Variants in STAB2 observed in about 807,000 individuals in gnomAD.
STAB2 encodes stabilin 2, also known as stabilin-2.
In STAB2, 288 loss-of-function variants were observed where a neutral mutation model predicts 338.1. The observed-to-expected ratio is 0.85, with a 90% CI of 0.77 to 0.94. The LOEUF is 0.94. Among genes scored for constraint, STAB2 ranks in the 40% least tolerant of loss-of-function variants. STAB2 has a pLI of 0.00. For missense variants in STAB2, 3,141 were observed against 3,210.1 expected, an observed-to-expected ratio of 0.98 and a Z score of 0.52; for synonymous variants, 1,202 against 1,193.3, an observed-to-expected ratio of 1.01 and a Z score of -0.15.
At chr12:103,717,724 A>G (rs1163416237) in intron 43 of STAB2, 46 bp from the exon 44 acceptor site, 1 of 1,592,178 alleles carries the variant, frequency 6.3e-7, no homozygotes, top group Non-Finnish European at 8.6e-7. Context: ...CGGCCAGTAC[A>G]GAACCCACCT....
At position 103,725,080 on chromosome 12, in the gene STAB2, G is replaced by A. The variant is rs144900279; in HGVS notation, c.4789G>A (p.Gly1597Ser). 254 of 1,612,958 alleles carry A rather than the reference G, an allele frequency of 1.6e-4. No homozygotes were observed. The Middle Eastern group carries it at 3.3e-3, about 21-fold the overall frequency. ...NYIGDGFTCR[G>S]SIYQELPKNP... Reference sequence around the variant, plus strand: ...CATTGGAGATGGATTTACCTGCCGCGGCAGCATTTATCAGGTAACGCGAGA... The same window carrying A: ...CATTGGAGATGGATTTACCTGCCGCAGCAGCATTTATCAGGTAACGCGAGA... The change falls in exon 45 of 69, where the codon GGC becomes AGC. Residue 1597 changes from glycine (G) to serine (S), a missense_variant. Transcript: ENST00000388887.
rs370782910 is a variant in STAB2, at chr12:103,655,524, T to C, written c.1677T>C (p.Asn559=). The C allele has an allele frequency of 1.9e-6, 3 of 1,613,922 alleles. No individual in the cohort carries two copies. The African/African-American group carries it at 4.0e-5, about 22-fold the overall frequency. The part of the protein sequence containing the change: ...VGGPYTIFVP[N]NEALNNMKDG... ...GACCATACACCATTTTTGTTCCAAA[T>C]AATGAAGCATTGAATAACATGAAGG... Residue 559 remains asparagine (N), a synonymous_variant, in exon 15 of 69, where the codon AAT becomes AAC. Coordinates refer to ENST00000388887, the MANE Select transcript of STAB2 (RefSeq NM_017564.10).
At position 103,690,284 on chromosome 12, in the gene STAB2, C is replaced by T; in HGVS notation, c.3183-140C>T. 3 of 783,264 alleles carry T rather than the reference C, an allele frequency of 3.8e-6. No homozygotes were observed. The South Asian group carries it at 5.7e-5, about 15-fold the overall frequency. 48.5% of individuals were successfully genotyped at this position (783,264 alleles called of 1,614,324 possible). ...GCACAGCGTGGTTGAGTAACTAACTCTAGCCAAGGCTGGTAACTGCAGGGG... is the reference window on the plus strand; with the variant it reads ...GCACAGCGTGGTTGAGTAACTAACTTTAGCCAAGGCTGGTAACTGCAGGGG... On this transcript the variant is annotated intron_variant, in intron 29 of 68. Coordinates refer to ENST00000388887, the MANE Select transcript of STAB2 (RefSeq NM_017564.10).
At chr12:103,606,121 C>G (rs1841858215) in intron 3 of STAB2, among the ~76,000 whole-genome samples, 1 of 151,884 alleles carries the variant, frequency 6.6e-6, no homozygotes, top group African/African-American at 2.4e-5. Flanking sequence ...CCTTTGTTGG[C>G]TTATTAGCTA....
intron 2 of STAB2, 98 bp from the exon 3 acceptor site, chr12:103,594,297 A>T: frequency 1.2e-6 from 1 of 854,062 alleles, no homozygotes; most frequent in Non-Finnish European, 1.9e-6. Context: ...AACTGTAGAT[A>T]AATATTAAGA....
rs766057064 is a variant in STAB2 at position 103,676,062 on chromosome 12, T to C, written c.2646+41T>C. On this transcript the variant is annotated intron_variant, in intron 24 of 68. Coordinates refer to ENST00000388887, the MANE Select transcript of STAB2 (RefSeq NM_017564.10). ...CATTTCCACCCTGCCTGGTTTCTTT[T>C]TTTTTTTTTTTTTTTTTGAGACAGA... 359 of 1,208,534 alleles carry C rather than the reference T, an allele frequency of 3.0e-4. No individual in the cohort carries two copies. In the Admixed American group the frequency reaches 4.2e-3, roughly 14 times the overall value. The allele number at this position is 1,208,534 out of a possible 1,614,324, so 74.9% of individuals were successfully genotyped here. A position where few individuals can be genotyped will look rare whatever the true frequency, so the allele number is the denominator to read the frequency against.
chr12:103,610,654 AT>A (rs1185289386), intron 3 of STAB2, among the ~76,000 whole-genome samples: 2 of 152,214 alleles, frequency 1.3e-5, no homozygotes, highest in African/African-American at 4.8e-5. Flanking sequence ...GGATTCATTA[AT>A]TTTTTGAAGG....
rs140129606 is a variant in STAB2, at chr12:103,750,445, C to T, written c.6439-134C>T. On this transcript the variant is annotated intron_variant, in intron 59 of 68. Transcript: ENST00000388887. ...AAAAGCAGGACGTAGCAGTTATTCCCACTGGACAGGAAAGGCACGTTCTCT... is the reference window on the plus strand; with the variant it reads ...AAAAGCAGGACGTAGCAGTTATTCCTACTGGACAGGAAAGGCACGTTCTCT... The T allele has an allele frequency of 1.2e-4, 134 of 1,087,314 alleles. 2 individuals are homozygous for T. The East Asian group carries it at 2.1e-3, about 17-fold the overall frequency. 67.4% of individuals were successfully genotyped at this position (1,087,314 alleles called of 1,614,324 possible).
In STAB2 at chr12:103,685,207, C is replaced by T. The variant is rs993849533; in HGVS notation, c.2997+123C>T. On this transcript the variant is annotated intron_variant, in intron 27 of 68. Transcript: ENST00000388887. ...TGCAGGAGATTTTACATGAAGCAAG[C>T]TGTTTCTCACAGATGACATACATGC... 1.7e-5 allele frequency: 15 copies of T among 895,650 alleles called. No homozygotes were observed. The African/African-American group carries it at 2.3e-4, about 14-fold the overall frequency. 55.5% of individuals were successfully genotyped at this position (895,650 alleles called of 1,614,324 possible).
chr12:103,708,566 C>G (rs750543898), intron 39 of STAB2, 30 bp downstream of exon 39: 1 of 1,597,560 alleles, frequency 6.3e-7, no homozygotes, highest in Admixed American at 1.7e-5. Context: ...TATTTATAAT[C>G]TGCTCTAAGC....
At chr12:103,642,549 AAGAGACATT>A (rs1350192925) in intron 9 of STAB2, among the ~76,000 whole-genome samples, 2 of 152,258 alleles carry the variant, frequency 1.3e-5, no homozygotes, top group East Asian at 3.8e-4. Flanking sequence ...GTACAGTGGC[AAGAGACATT>A]CTCAGATGGA....
At position 103,708,472 on chromosome 12, in the gene STAB2, A is replaced by G; in HGVS notation, c.4224A>G (p.Gln1408=). The G allele has an allele frequency of 6.2e-7, 1 of 1,614,134 alleles. No individual in the cohort carries two copies. The highest frequency in any genetic ancestry group is 8.5e-7 in the Non-Finnish European group (1 of 1,179,972). ...CTTGTGTCCATGGGAGATGCAACCAAGGACCCTTGGGAGATGGCTCCTGTG... is the reference window on the plus strand; with the variant it reads ...CTTGTGTCCATGGGAGATGCAACCAGGGACCCTTGGGAGATGGCTCCTGTG... ...ACSCVHGRCN[Q]GPLGDGSCDC... Residue 1408 remains glutamine, a synonymous_variant, in exon 39 of 69, where the codon CAA becomes CAG. Transcript: ENST00000388887.
chr12:103,621,085 A>G (rs1008056170), intron 4 of STAB2, among the ~76,000 whole-genome samples: 3 of 152,136 alleles, frequency 2.0e-5, no homozygotes, highest in Non-Finnish European at 4.4e-5. Flanking sequence ...TGACAAGAGC[A>G]AGACTCTGTC....
At chr12:103,713,194 G>A (rs1452798038) in intron 41 of STAB2, among the ~76,000 whole-genome samples, 1 of 152,202 alleles carries the variant, frequency 6.6e-6, no homozygotes, top group Non-Finnish European at 1.5e-5. Context: ...GCTTAGAACA[G>A]ACCCAGCACA....
intron 34 of STAB2, among the ~76,000 whole-genome samples, chr12:103,700,012 T>C (rs12422614): frequency 0.037 from 5,669 of 152,300 alleles, 186 homozygotes; most frequent in East Asian, 0.15. Flanking sequence ...AGCAGCCAAG[T>C]GTATTAATGT....
At chr12:103,651,147 ATATAGT>A (rs1873710755) in intron 11 of STAB2, among the ~76,000 whole-genome samples, 1 of 152,176 alleles carries the variant, frequency 6.6e-6, no homozygotes, top group African/African-American at 2.4e-5. Flanking sequence ...GGCATCACTA[ATATAGT>A]TATATTTGGT....
intron 21 of STAB2, 107 bp from the exon 22 acceptor site, chr12:103,670,589 T>A: frequency 1.2e-6 from 1 of 848,618 alleles, no homozygotes; most frequent in Non-Finnish European, 1.9e-6. Flanking sequence ...TCCCAGAGGG[T>A]CATGTCAAGT....
Position 103,637,222 on chromosome 12 carries a change from G to C in STAB2, c.695G>C (p.Gly232Ala). ...TGCCTTCCCAATTACCGAGGCGATG[G>C]CAAATACTGCGACCGTGAGTAGAAT... ...CKCLPNYRGD[G>A]KYCDPINPCL... Residue 232 changes from glycine (G) to alanine (A), a missense_variant, in exon 7 of 69, where the codon GGC (glycine) becomes GCC (alanine). Gly to Ala is a moderately conservative substitution (Grantham distance 60). Coordinates refer to ENST00000388887, the MANE Select transcript of STAB2 (RefSeq NM_017564.10). The C allele has an allele frequency of 6.2e-7, 1 of 1,611,172 alleles. No individual in the cohort carries two copies.
At chr12:103,667,593 C>T (rs979002642) in intron 19 of STAB2, among the ~76,000 whole-genome samples, 10 of 152,068 alleles carry the variant, frequency 6.6e-5, no homozygotes, top group South Asian at 2.1e-4. Flanking sequence ...CAAAAGAAGC[C>T]CTCAAATCAC....
Sources: allele counts gnomAD v4.1 joint callset (sites outside exome capture counted in the v4.1 genomes callset), GRCh38; gene constraint gnomAD v4.1.1; transcripts MANE v1.5; gene names NCBI Gene and HGNC (gene_info 2026-07-23, HGNC 2026-07-21).